TMEM178B: variants seen among roughly 807,000 people sequenced by gnomAD.
The protein encoded by TMEM178B is transmembrane protein 178B.
A neutral mutation model predicts 31.0 loss-of-function variants in TMEM178B; 5 were observed. The observed-to-expected ratio is 0.16, with a 90% CI of 0.08 to 0.34. The LOEUF (loss-of-function observed/expected upper bound fraction) is 0.34. Among genes scored for constraint, TMEM178B ranks in the 10% least tolerant of loss-of-function variants. The pLI, the probability that TMEM178B is intolerant of heterozygous loss-of-function variation, is 1.00. For missense variants in TMEM178B, 275 were observed against 400.3 expected, an observed-to-expected ratio of 0.69 and a Z score of 2.67; for synonymous variants, 164 against 164.0, an observed-to-expected ratio of 1.00 and a Z score of 0.00.
intron 1 of TMEM178B, among the ~76,000 whole-genome samples, chr7:141,078,669 T>C (rs544487870): frequency 2.1e-4 from 32 of 152,202 alleles, no homozygotes; most frequent in African/African-American, 7.7e-4. Flanking sequence ...GTGTCGGCAG[T>C]AGCGGGAGGT....
At chr7:141,304,230 T>A (rs898403657) in intron 2 of TMEM178B, among the ~76,000 whole-genome samples, 2 of 152,120 alleles carry the variant, frequency 1.3e-5, no homozygotes, top group African/African-American at 4.8e-5. Flanking sequence ...ACCTGAAAGA[T>A]CTTACATGCT....
At chr7:141,488,220 G>C in the TMEM178B span, among the ~76,000 whole-genome samples, 1 of 152,102 alleles carries the variant, frequency 6.6e-6, no homozygotes, top group Admixed American at 6.5e-5. Context: ...AAACAAAATG[G>C]CCTTCAGAAA....
chr7:141,492,162 C>T, the TMEM178B span, among the ~76,000 whole-genome samples: 2 of 152,276 alleles, frequency 1.3e-5, no homozygotes, highest in Admixed American at 6.5e-5. Flanking sequence ...TCCAGTTCCT[C>T]TAGCAATGCC....
At chr7:141,357,270 C>A (rs183700025) in intron 2 of TMEM178B, among the ~76,000 whole-genome samples, 6 of 152,244 alleles carry the variant, frequency 3.9e-5, no homozygotes, top group Admixed American at 3.3e-4. Flanking sequence ...CAGTTAGTAC[C>A]ACCTACAGAA....
intron 2 of TMEM178B, among the ~76,000 whole-genome samples, chr7:141,336,885 TCACCGCTAC>T (rs1799402359): frequency 1.3e-5 from 1 of 74,324 alleles, no homozygotes; most frequent in African/African-American, 5.9e-5. Context: ...ACCACCACCA[TCACCGCTAC>T]CACCACCACC....
At position 141,318,925 on chromosome 7, in the gene TMEM178B, AT is replaced by A. The variant is rs2116470329; in HGVS notation, c.496+106222del. 6.6e-6 allele frequency among the ~76,000 whole-genome samples: 1 copy of A among 152,242 alleles called. No homozygotes were observed. Among genetic ancestry groups the A allele is most frequent in the African/African-American group, 2.4e-5 (1 of 41,538 alleles). On this transcript the variant is annotated intron_variant, in intron 2 of 3. Transcript: ENST00000565468. The surrounding 1 kb of genome is among the most constrained non-coding windows in gnomAD (Gnocchi z 4.1). ...CCTTGGATCCAAGCTTGAATATGAG[AT>A]ATTTCTGCCAAAAAAAAATGAACAA... is the stretch of plus-strand genomic sequence containing the variant.
At chr7:141,156,044 G>A (rs532727901) in intron 1 of TMEM178B, among the ~76,000 whole-genome samples, 2 of 152,176 alleles carry the variant, frequency 1.3e-5, no homozygotes, top group South Asian at 2.1e-4. Context: ...CAGCCTGGGC[G>A]ATAGGGTGAG....
intron 2 of TMEM178B, among the ~76,000 whole-genome samples, chr7:141,345,609 C>T (rs1799605089): frequency 6.6e-6 from 1 of 152,166 alleles, no homozygotes; most frequent in Non-Finnish European, 1.5e-5. Flanking sequence ...ATTCTCTTTA[C>T]CCTGCAATGG....
chr7:141,212,677 A>G lies in TMEM178B; in HGVS notation c.469A>G (p.Ile157Val). 6.5e-7 allele frequency: 1 copy of G among 1,536,114 alleles called. No individual in the cohort carries two copies. The highest frequency in any genetic ancestry group is 8.7e-7 in the Non-Finnish European group (1 of 1,146,898). The stretch of plus-strand genomic sequence containing the variant: ...CCTCACTTTCAATATCACGAAGACC[A>G]TCCGTCAGGATGAGTGGCATGCCCT... ...RNLTFNITKT[I>V]RQDEWHALHL... Residue 157 changes from isoleucine (I) to valine (V), a missense_variant, in exon 2 of 4, where the codon ATC (isoleucine) becomes GTC (valine). By Grantham distance (29) the Ile-to-Val change is conservative. Transcript: ENST00000565468.
At chr7:141,383,305 G>C (rs1304712215) in intron 2 of TMEM178B, among the ~76,000 whole-genome samples, 1 of 151,448 alleles carries the variant, frequency 6.6e-6, no homozygotes, top group Non-Finnish European at 1.5e-5. Context: ...TGCCATGTTG[G>C]TGTGCTGCAC....
chr7:141,420,458 C>A (rs1801183002), intron 2 of TMEM178B, among the ~76,000 whole-genome samples: 1 of 152,034 alleles, frequency 6.6e-6, no homozygotes, highest in South Asian at 2.1e-4. Flanking sequence ...CTTTTCTTGG[C>A]AAGATCTTTA....
the TMEM178B span, among the ~76,000 whole-genome samples, chr7:141,509,558 C>A: frequency 2.0e-5 from 3 of 152,006 alleles, no homozygotes; most frequent in Non-Finnish European, 4.4e-5. Flanking sequence ...GCTGAGGTAG[C>A]AGAATCGCAT....
chr7:141,165,391 G>T (rs933318923), intron 1 of TMEM178B, among the ~76,000 whole-genome samples: 1 of 152,154 alleles, frequency 6.6e-6, no homozygotes. Flanking sequence ...AATAGTCTGG[G>T]TTATTAGGTT....
chr7:141,235,932 C>G (rs932354785), intron 2 of TMEM178B, among the ~76,000 whole-genome samples: 1 of 152,196 alleles, frequency 6.6e-6, no homozygotes, highest in African/African-American at 2.4e-5. Context: ...GCTCAGCCTT[C>G]CCAGTCCTGG....
intron 3 of TMEM178B, among the ~76,000 whole-genome samples, chr7:141,439,564 C>T (rs1023110893): frequency 6.6e-6 from 1 of 152,180 alleles, no homozygotes; most frequent in African/African-American, 2.4e-5. Flanking sequence ...CAATCCAAAT[C>T]TTATGTAGCC....
chr7:141,145,152 C>T (rs1221331684), intron 1 of TMEM178B, among the ~76,000 whole-genome samples: 3 of 152,204 alleles, frequency 2.0e-5, no homozygotes, highest in African/African-American at 7.2e-5. Context: ...TACATCCTAC[C>T]AGGCCTGGTG....
At chr7:141,286,871 AT>A (rs549323394) in intron 2 of TMEM178B, among the ~76,000 whole-genome samples, 216 of 152,348 alleles carry the variant, frequency 1.4e-3, no homozygotes, top group African/African-American at 4.7e-3. Context: ...TTTTAATGAC[AT>A]TTATTCAAAT....
intron 1 of TMEM178B, among the ~76,000 whole-genome samples, chr7:141,175,210 A>G (rs183344070): frequency 6.6e-6 from 1 of 152,290 alleles, no homozygotes; most frequent in East Asian, 1.9e-4. Context: ...ACCATTTATT[A>G]AATAGGGAAT....
intron 2 of TMEM178B, among the ~76,000 whole-genome samples, chr7:141,389,822 A>G (rs1392183291): frequency 1.3e-5 from 2 of 152,180 alleles, no homozygotes; most frequent in South Asian, 2.1e-4. Context: ...ACTTGGGGGG[A>G]AAAGGCTGTT....
Sources: gnomAD v4.1 joint callset for allele counts (sites outside exome capture counted in the v4.1 genomes callset) on GRCh38, gnomAD v4.1.1 for gene constraint, Gnocchi (gnomAD v3.1) non-coding constraint, MANE v1.5 for transcripts, NCBI Gene and HGNC (gene_info 2026-07-23, HGNC 2026-07-21) for gene names.